LLGL2: variants seen among roughly 807,000 people sequenced by gnomAD.
LLGL2 encodes the protein LLGL2, scribble cell polarity complex component.
LLGL2 carries 81 observed loss-of-function variants against 123.2 expected under a neutral mutation model. That is an observed-to-expected ratio of 0.66 (90% CI 0.55 to 0.79). LLGL2 has a LOEUF of 0.79. Ranked by LOEUF, LLGL2 falls within the 30% of genes least tolerant of loss-of-function variation. The pLI, the probability that LLGL2 is intolerant of heterozygous loss-of-function variation, is 0.00. For synonymous variants in LLGL2, 577 were observed against 594.1 expected (o/e 0.97, Z 0.42); for missense variants, 1,273 against 1,414.6 (o/e 0.90, Z 1.61).
intron 6 of LLGL2, among the ~76,000 whole-genome samples, chr17:75,560,100 G>C (rs1329719358): frequency 6.6e-6 from 1 of 152,204 alleles, no homozygotes; most frequent in Non-Finnish European, 1.5e-5. Context: ...GACTGGGCCT[G>C]GGACACACTC....
Position 75,559,561 on chromosome 17 carries a change from C to T in LLGL2, c.530+151C>T. The stretch of plus-strand genomic sequence containing the variant: ...GGGAGGCTCTTGGCTTCCTACCTGT[C>T]ACCTACTGAGAACCTATTGGCCTGT... On this transcript the variant is annotated intron_variant, in intron 6 of 25. Transcript: ENST00000392550. This position sits in a 1 kb window ranked among gnomAD's most constrained non-coding sequence, Gnocchi z 4.6. The T allele has an allele frequency of 3.1e-6, 3 of 973,652 alleles. No individual in the cohort carries two copies. The highest frequency in any genetic ancestry group is 3.5e-5 in the South Asian group (2 of 57,508). 60.3% of individuals were successfully genotyped at this position (973,652 alleles called of 1,614,324 possible).
chr17:75,570,652 G>T, intron 16 of LLGL2, 154 bp downstream of exon 16: 1 of 476,158 alleles, frequency 2.1e-6, no homozygotes, highest in Non-Finnish European at 2.7e-6. Flanking sequence ...GACAGGTCAC[G>T]CTGCTTCTCT....
Position 75,559,190 on chromosome 17 carries a change from C to T in LLGL2, c.372-62C>T, listed in dbSNP as rs1296028328. 12 of 1,491,948 alleles carry T rather than the reference C, an allele frequency of 8.0e-6. No individual in the cohort carries two copies. Among genetic ancestry groups the T allele is most frequent in the South Asian group, 1.3e-5 (1 of 74,800 alleles). The allele number at this position is 1,491,948 out of a possible 1,614,324, so 92.4% of individuals were successfully genotyped here. A position where few individuals can be genotyped will look rare whatever the true frequency, so the allele number is the denominator to read the frequency against. Reference sequence around the variant, plus strand: ...TTGTTTTCCGAGGAGTCAGGGGACCCCGTCCATGGCATCTCCCCTGCTGGG... The same window carrying T: ...TTGTTTTCCGAGGAGTCAGGGGACCTCGTCCATGGCATCTCCCCTGCTGGG... On this transcript the variant is annotated intron_variant, in intron 5 of 25. Transcript: ENST00000392550. The surrounding 1 kb of genome is among the most constrained non-coding windows in gnomAD (Gnocchi z 4.6).
intron 9 of LLGL2, 82 bp downstream of exon 9, chr17:75,563,888 G>T (rs1275727870): frequency 7.3e-7 from 1 of 1,378,534 alleles, no homozygotes; most frequent in Middle Eastern, 2.3e-4. Context: ...TGCCTGGGAA[G>T]TTGGTGCCAG....
At chr17:75,526,590 G>A (rs1466810129) in intron 1 of LLGL2, among the ~76,000 whole-genome samples, 1 of 152,134 alleles carries the variant, frequency 6.6e-6, no homozygotes, top group Non-Finnish European at 1.5e-5. Flanking sequence ...GTGGCGCTTT[G>A]AGGCTCTCAC....
chr17:75,564,858 GTC>G lies in LLGL2; in HGVS notation c.1036+354_1036+355del. ...AGCCTGGGTGACATAGCCAGACTGT[GTC>G]TCAAAAAAAAAAAAAAAAAGGGCTC... On this transcript the variant is annotated intron_variant, in intron 10 of 25. Coordinates refer to ENST00000392550, the MANE Select transcript of LLGL2 (RefSeq NM_001031803.2). This position sits in a 1 kb window ranked among gnomAD's most constrained non-coding sequence, Gnocchi z 4.9. 1 of 142,152 alleles carries G rather than the reference GTC, an allele frequency of 7.0e-6. No individual in the cohort carries two copies. Among genetic ancestry groups the G allele is most frequent in the Non-Finnish European group, 1.3e-5 (1 of 75,548 alleles). 8.8% of individuals were successfully genotyped at this position (142,152 alleles called of 1,614,324 possible).
In LLGL2 at chr17:75,573,514, G is replaced by C. The variant is rs1023537122; in HGVS notation, c.2759G>C (p.Arg920Pro). Residue 920 changes from arginine (R) to proline (P), a missense_variant, in exon 21 of 26, where the codon CGC becomes CCC. Coordinates refer to ENST00000392550, the MANE Select transcript of LLGL2 (RefSeq NM_001031803.2). ...FYLISPSEFERFSLSTKWLVE... is the reference protein window; with the variant it reads ...FYLISPSEFEPFSLSTKWLVE... The stretch of plus-strand genomic sequence containing the variant: ...CTGATCTCACCCTCGGAGTTTGAGC[G>C]CTTCTCTCTCTCCACCAAGTGGCTG... 5 of 1,612,646 alleles carry C rather than the reference G, an allele frequency of 3.1e-6. No individual in the cohort carries two copies. The highest frequency in any genetic ancestry group is 4.2e-6 in the Non-Finnish European group (5 of 1,179,662).
chr17:75,555,669 A>C (rs770722602), intron 2 of LLGL2, among the ~76,000 whole-genome samples: 1 of 152,014 alleles, frequency 6.6e-6, no homozygotes, highest in Non-Finnish European at 1.5e-5. Flanking sequence ...CGGTGTCTCC[A>C]TTGTTCCAAA....
chr17:75,567,616 G>A (rs774558189), intron 10 of LLGL2, among the ~76,000 whole-genome samples: 3 of 151,732 alleles, frequency 2.0e-5, no homozygotes, highest in Non-Finnish European at 4.4e-5. Flanking sequence ...TCCAGCCTGG[G>A]TGACAGAGCA....
chr17:75,573,433 C>T, intron 20 of LLGL2, 48 bp from the exon 21 acceptor site: 1 of 1,586,550 alleles, frequency 6.3e-7, no homozygotes, highest in Non-Finnish European at 8.6e-7. Flanking sequence ...GGGGAGGCAG[C>T]CTTGGCAGCC....
rs1289970267 is a variant in LLGL2, at chr17:75,573,992, C to T, written c.2905+12C>T. The T allele has an allele frequency of 4.5e-6, 7 of 1,550,654 alleles. No homozygotes were observed. The highest frequency in any genetic ancestry group is 6.1e-6 in the Non-Finnish European group (7 of 1,146,962). ...GAGTGATGGCGAGGGTAAGACAGGC[C>T]TCCTGGGCTCATGCACACCTGGGCC... On this transcript the variant is annotated intron_variant, in intron 22 of 25. Transcript: ENST00000392550.
chr17:75,558,065 A>T lies in LLGL2; in HGVS notation c.174-90A>T. The T allele has an allele frequency of 8.1e-7, 1 of 1,230,824 alleles. No homozygotes were observed. The highest frequency in any genetic ancestry group is 1.2e-6 in the Non-Finnish European group (1 of 833,478). The allele number at this position is 1,230,824 out of a possible 1,614,324, so 76.2% of individuals were successfully genotyped here. A position where few individuals can be genotyped will look rare whatever the true frequency, so the allele number is the denominator to read the frequency against. ...GAGGGCAGCCCCTCTCTGTGTTTGCATCATTGCACATGGGCCCCGAGGGCC... is the reference window on the plus strand; with the variant it reads ...GAGGGCAGCCCCTCTCTGTGTTTGCTTCATTGCACATGGGCCCCGAGGGCC... On this transcript the variant is annotated intron_variant, in intron 3 of 25. Transcript: ENST00000392550. This position sits in a 1 kb window ranked among gnomAD's most constrained non-coding sequence, Gnocchi z 4.0.
chr17:75,525,437 G>C (rs993254954), upstream of LLGL2, among the ~76,000 whole-genome samples: 1 of 151,984 alleles, frequency 6.6e-6, no homozygotes, highest in Non-Finnish European at 1.5e-5. The surrounding 1 kb of genome is among the most constrained non-coding windows in gnomAD (Gnocchi z 4.8). Flanking sequence ...GCGGGAGGCG[G>C]CGGGACACTG....
intron 2 of LLGL2, among the ~76,000 whole-genome samples, chr17:75,547,538 C>T (rs116357873): frequency 0.015 from 2,339 of 152,246 alleles, 62 homozygotes; most frequent in African/African-American, 0.053. Flanking sequence ...ATTAAATTGA[C>T]GAGAGGCGGG....
intron 20 of LLGL2, 38 bp downstream of exon 20, chr17:75,573,316 GC>G: frequency 1.9e-6 from 3 of 1,574,292 alleles, no homozygotes; most frequent in Non-Finnish European, 2.6e-6. Context: ...GGGGCCCCGG[GC>G]ACTGCACGGA....
rs2054330134 is a variant in LLGL2 at position 75,544,313 on chromosome 17, A to ACC, written c.75+814_75+815dup. 6.6e-6 allele frequency among the ~76,000 whole-genome samples: 1 copy of ACC among 151,808 alleles called. No individual in the cohort carries two copies. ...GATCCTCTTCCCCCGGGGAGCCAGG[A>ACC]CCCTCCCAATATGCTGAGGGCAGGA... On this transcript the variant is annotated intron_variant, in intron 2 of 25. Coordinates refer to ENST00000392550, the MANE Select transcript of LLGL2 (RefSeq NM_001031803.2). The surrounding 1 kb of genome is among the most constrained non-coding windows in gnomAD (Gnocchi z 4.2).
At chr17:75,537,185 CCT>C (rs1409477465) in intron 1 of LLGL2, among the ~76,000 whole-genome samples, 4 of 152,176 alleles carry the variant, frequency 2.6e-5, no homozygotes, top group African/African-American at 9.7e-5. Flanking sequence ...TCACCCATCC[CCT>C]GTTGTGGGCC....
At position 75,574,445 on chromosome 17, in the gene LLGL2, G is replaced by C; in HGVS notation, c.2954-8G>C. 1 of 1,549,468 alleles carries C rather than the reference G, an allele frequency of 6.5e-7. No homozygotes were observed. Among genetic ancestry groups the C allele is most frequent in the East Asian group, 2.4e-5 (1 of 40,996 alleles). On this transcript the variant is annotated splice_region_variant and splice_polypyrimidine_tract_variant and intron_variant, in intron 23 of 25. Coordinates refer to ENST00000392550, the MANE Select transcript of LLGL2 (RefSeq NM_001031803.2). The stretch of plus-strand genomic sequence containing the variant: ...CTCAGTGGGCCTCTGTTCCCACCCG[G>C]CCTGCAGGAGTCCTGAAGGAAATCC...
At position 75,570,966 on chromosome 17, in the gene LLGL2, C is replaced by T. The variant is rs1250836743; in HGVS notation, c.2042C>T (p.Ala681Val). The stretch of plus-strand genomic sequence containing the variant: ...CCCTTGCAGGCACAGGAGGGGAGTG[C>T]CAAGGCTGAGCGGCCAGGCCTCCAG... The part of the protein sequence containing the change: ...GPPGEAQEGS[A>V]KAERPGLQNM... Residue 681 changes from alanine (A) to valine (V), a missense_variant, in exon 17 of 26, where the codon GCC becomes GTC. By Grantham distance (64) the Ala-to-Val change is moderately conservative. Transcript: ENST00000392550. 1 of 1,610,720 alleles carries T rather than the reference C, an allele frequency of 6.2e-7. No individual in the cohort carries two copies. Among genetic ancestry groups the T allele is most frequent in the Non-Finnish European group, 8.5e-7 (1 of 1,178,658 alleles).
Sources: allele counts gnomAD v4.1 joint callset (sites outside exome capture counted in the v4.1 genomes callset), GRCh38; gene constraint gnomAD v4.1.1; non-coding constraint Gnocchi (gnomAD v3.1); transcripts MANE v1.5; gene names NCBI Gene and HGNC (gene_info 2026-07-23, HGNC 2026-07-21).